The following HS6ST2 variants were observed in gnomAD, a reference collection of about 807,000 sequenced individuals.
HS6ST2 encodes heparan-sulfate 6-O-sulfotransferase 2.
HS6ST2 carries 17 observed loss-of-function variants against 33.0 expected under a neutral mutation model. The observed-to-expected ratio is 0.52, with a 90% CI of 0.35 to 0.77. The LOEUF (loss-of-function observed/expected upper bound fraction) is 0.77. Among genes scored for constraint, HS6ST2 ranks in the 30% least tolerant of loss-of-function variants. The pLI, the probability that HS6ST2 is intolerant of heterozygous loss-of-function variation, is 0.01. For missense variants in HS6ST2, 519 were observed against 551.7 expected (o/e 0.94, Z 0.59); for synonymous variants, 248 against 237.1 (o/e 1.05, Z -0.42).
chrX:132,878,516 G>A (rs1455253838), intron 2 of HS6ST2, among the ~76,000 whole-genome samples: 1 of 112,361 alleles, frequency 8.9e-6, no homozygotes, highest in Non-Finnish European at 1.9e-5. Context: ...GTAGCAATTG[G>A]ATCAGCTCAT....
At chrX:132,956,549 C>G in intron 2 of HS6ST2, among the ~76,000 whole-genome samples, 1 of 112,524 alleles carries the variant, frequency 8.9e-6, no homozygotes, top group East Asian at 2.9e-4. Context: ...TCGGCCGCCT[C>G]CCCCGCACGC....
intron 2 of HS6ST2, among the ~76,000 whole-genome samples, chrX:132,759,686 A>T (rs1390696026): frequency 8.9e-6 from 1 of 112,081 alleles, no homozygotes; most frequent in African/African-American, 3.2e-5. Flanking sequence ...CAATAAAAAA[A>T]AGCAAACAAT....
At chrX:132,953,772 T>C (rs967938004) in intron 2 of HS6ST2, among the ~76,000 whole-genome samples, 1 of 112,450 alleles carries the variant, frequency 8.9e-6, no homozygotes, top group Non-Finnish European at 1.9e-5. Context: ...GGTGTGGTAA[T>C]CCTGGCCCAA....
intron 2 of HS6ST2, among the ~76,000 whole-genome samples, chrX:132,787,174 TATATATATATATACATATATATATACAC>T (rs1381902122): frequency 1.7e-3 from 143 of 81,818 alleles, no homozygotes; most frequent in Admixed American, 3.2e-3. Flanking sequence ...TATGTATATA[TATATATATATATACATATATATATACAC>T]ATATATATAT....
At chrX:132,919,803 T>C (rs1267346798) in intron 2 of HS6ST2, among the ~76,000 whole-genome samples, 1 of 111,920 alleles carries the variant, frequency 8.9e-6, no homozygotes, top group African/African-American at 3.2e-5. Context: ...TTTCTGCCCT[T>C]GTAAGCACTT....
At chrX:132,906,455 A>G (rs971695688) in intron 2 of HS6ST2, among the ~76,000 whole-genome samples, 1 of 111,976 alleles carries the variant, frequency 8.9e-6, no homozygotes, top group Admixed American at 9.5e-5. Flanking sequence ...ATGCAACATA[A>G]AAGTTTTGCT....
intron 4 of HS6ST2, among the ~76,000 whole-genome samples, chrX:132,630,876 C>T (rs1244586639): frequency 3.6e-5 from 4 of 111,498 alleles, no homozygotes; most frequent in Admixed American, 9.5e-5. Context: ...ACCCAGGAGA[C>T]GGAGGTTGCA....
chrX:132,676,388 G>A (rs1196846488), intron 3 of HS6ST2, among the ~76,000 whole-genome samples: 4 of 112,067 alleles, frequency 3.6e-5, no homozygotes, highest in Non-Finnish European at 5.6e-5. Flanking sequence ...GAATAAACAA[G>A]TGTGAAAAAA....
intron 4 of HS6ST2, among the ~76,000 whole-genome samples, chrX:132,645,599 G>T (rs1227476295): frequency 8.9e-6 from 1 of 111,896 alleles, no homozygotes; most frequent in Non-Finnish European, 1.9e-5. Flanking sequence ...AGAAATGCAC[G>T]CAGGGAGAAC....
At chrX:132,777,294 A>G (rs1031110263) in intron 2 of HS6ST2, among the ~76,000 whole-genome samples, 1 of 109,186 alleles carries the variant, frequency 9.2e-6, no homozygotes, top group Admixed American at 1.0e-4. Context: ...AGTACCTACA[A>G]TAGCATCCCT....
intron 3 of HS6ST2, among the ~76,000 whole-genome samples, chrX:132,707,184 G>A (rs1308463474): frequency 1.8e-5 from 2 of 111,993 alleles, no homozygotes; most frequent in Non-Finnish European, 3.8e-5. Context: ...ATGGTCATCC[G>A]CTCCATTTTA....
chrX:132,859,701 G>A (rs187715657), intron 2 of HS6ST2, among the ~76,000 whole-genome samples: 93 of 88,287 alleles, frequency 1.1e-3, no homozygotes, highest in Non-Finnish European at 1.8e-3. Flanking sequence ...AAGAAAGAAT[G>A]AAGAAAAGAA....
At chrX:132,791,086 G>A (rs1198610599) in intron 2 of HS6ST2, among the ~76,000 whole-genome samples, 2 of 110,760 alleles carry the variant, frequency 1.8e-5, no homozygotes, top group Non-Finnish European at 3.8e-5. Flanking sequence ...GTTTGAGGCT[G>A]CAGTGACCCA....
At chrX:132,720,171 G>T (rs1244227835) in intron 2 of HS6ST2, among the ~76,000 whole-genome samples, 1 of 112,438 alleles carries the variant, frequency 8.9e-6, no homozygotes, top group African/African-American at 3.2e-5. Flanking sequence ...CCTGGAGTAG[G>T]AAGAAGAATT....
chrX:132,674,901 T>C (rs1214226791), intron 3 of HS6ST2, among the ~76,000 whole-genome samples: 2 of 111,638 alleles, frequency 1.8e-5, no homozygotes, highest in African/African-American at 6.5e-5. Context: ...AGATCTGAAA[T>C]ATAATGAGAG....
intron 2 of HS6ST2, among the ~76,000 whole-genome samples, chrX:132,888,969 G>A (rs1049452823): frequency 2.7e-5 from 3 of 110,653 alleles, no homozygotes; most frequent in Admixed American, 1.9e-4. Flanking sequence ...AATCCCCTAA[G>A]GTGAGGAGCA....
intron 2 of HS6ST2, among the ~76,000 whole-genome samples, chrX:132,840,658 T>G (rs2065699713): frequency 8.9e-6 from 1 of 111,775 alleles, no homozygotes; most frequent in East Asian, 2.8e-4. Flanking sequence ...TTCCTTCCCC[T>G]TTTTTTCTTC....
intron 2 of HS6ST2, among the ~76,000 whole-genome samples, chrX:132,862,742 G>A (rs190911031): frequency 4.5e-5 from 5 of 112,027 alleles, no homozygotes; most frequent in South Asian, 3.7e-4. Context: ...AATGTTTATT[G>A]GCCAGACCTG....
chrX:132,699,321 A>C (rs2148238357), intron 3 of HS6ST2, among the ~76,000 whole-genome samples: 1 of 111,660 alleles, frequency 9.0e-6, no homozygotes, highest in East Asian at 2.8e-4. Flanking sequence ...TAAATTTAAA[A>C]TCAGCCCCAA....
Sources: gnomAD v4.1 joint callset for allele counts (sites outside exome capture counted in the v4.1 genomes callset) on GRCh38, gnomAD v4.1.1 for gene constraint, MANE v1.5 for transcripts, NCBI Gene and HGNC (gene_info 2026-07-23, HGNC 2026-07-21) for gene names.